The following CHCHD6 variants were observed in gnomAD, a reference collection of about 807,000 sequenced individuals.
CHCHD6 encodes coiled-coil-helix-coiled-coil-helix domain containing 6.
CHCHD6 carries 28 observed loss-of-function variants against 32.3 expected under a neutral mutation model. The ratio of observed to expected loss-of-function variants is 0.87; its 90% confidence interval spans 0.64 to 1.19. The LOEUF is 1.19. Among genes scored for constraint, CHCHD6 ranks in the 50% most tolerant of loss-of-function variants. The pLI, the probability that CHCHD6 is intolerant of heterozygous loss-of-function variation, is 0.00. For synonymous variants in CHCHD6, 122 were observed against 117.5 expected (o/e 1.04, Z -0.25); for missense variants, 333 against 307.0 (o/e 1.08, Z -0.63).
intron 5 of CHCHD6, among the ~76,000 whole-genome samples, chr3:126,892,811 C>T (rs1025458051): frequency 4.6e-5 from 7 of 152,228 alleles, no homozygotes; most frequent in African/African-American, 1.4e-4. Flanking sequence ...ATGCCTTGCC[C>T]AGCACTTCTG....
intron 4 of CHCHD6, among the ~76,000 whole-genome samples, chr3:126,751,328 C>T (rs1299263740): frequency 3.3e-5 from 5 of 151,772 alleles, no homozygotes; most frequent in Non-Finnish European, 7.4e-5. Context: ...ATGGCAAAAC[C>T]CTGTCTCTAC....
At chr3:126,705,680 G>A (rs549076803) in intron 1 of CHCHD6, among the ~76,000 whole-genome samples, 8 of 152,178 alleles carry the variant, frequency 5.3e-5, no homozygotes, top group Non-Finnish European at 1.2e-4. Context: ...TAAATGAAAC[G>A]CACAGAGCTG....
chr3:126,828,680 G>A (rs982962218), intron 4 of CHCHD6, among the ~76,000 whole-genome samples: 1 of 152,158 alleles, frequency 6.6e-6, no homozygotes, highest in Non-Finnish European at 1.5e-5. Flanking sequence ...TTTGGAGGGG[G>A]AATGTATGTT....
intron 4 of CHCHD6, among the ~76,000 whole-genome samples, chr3:126,765,058 GCAA>G (rs914966055): frequency 2.0e-5 from 3 of 152,054 alleles, no homozygotes; most frequent in African/African-American, 7.2e-5. Flanking sequence ...AGAGAAAAAA[GCAA>G]CAACAACTAG....
chr3:126,862,371 CACCATCACCACCTCCTCCTCCTCT>C (rs1370837357), intron 5 of CHCHD6, among the ~76,000 whole-genome samples: 3 of 138,630 alleles, frequency 2.2e-5, no homozygotes, highest in African/African-American at 8.5e-5. Flanking sequence ...CCTCCTCCAC[CACCATCACCACCTCCTCCTCCTCT>C]ACCATCACCA....
At chr3:126,840,806 A>T (rs1050714782) in intron 4 of CHCHD6, among the ~76,000 whole-genome samples, 1 of 152,126 alleles carries the variant, frequency 6.6e-6, no homozygotes, top group African/African-American at 2.4e-5. Flanking sequence ...ACCTCTTGAA[A>T]TAGAGATTAT....
intron 4 of CHCHD6, among the ~76,000 whole-genome samples, chr3:126,775,173 T>C (rs923030753): frequency 6.6e-6 from 1 of 152,242 alleles, no homozygotes; most frequent in African/African-American, 2.4e-5. Context: ...GTTCACATTA[T>C]CATCAGATTT....
intron 6 of CHCHD6, among the ~76,000 whole-genome samples, chr3:126,956,569 G>A (rs2078786608): frequency 6.7e-6 from 1 of 150,362 alleles, no homozygotes; most frequent in Non-Finnish European, 1.5e-5. Context: ...GGGAGTGCAC[G>A]AATGTGCTGT....
At chr3:126,802,034 A>G (rs1229229681) in intron 4 of CHCHD6, among the ~76,000 whole-genome samples, 1 of 152,232 alleles carries the variant, frequency 6.6e-6, no homozygotes, top group Non-Finnish European at 1.5e-5. Flanking sequence ...TAACAAACAG[A>G]AAGGACATCC....
intron 4 of CHCHD6, among the ~76,000 whole-genome samples, chr3:126,785,357 G>C (rs1263206859): frequency 6.6e-6 from 1 of 152,190 alleles, no homozygotes; most frequent in African/African-American, 2.4e-5. Context: ...AAACTGCTTT[G>C]TGTTAGTTTT....
intron 4 of CHCHD6, among the ~76,000 whole-genome samples, chr3:126,746,557 G>C (rs1263206407): frequency 6.6e-6 from 1 of 152,150 alleles, no homozygotes; most frequent in Admixed American, 6.5e-5. Flanking sequence ...GGGGCTCCCA[G>C]GTGTCAGACA....
chr3:126,794,550 G>A (rs1208676729), intron 4 of CHCHD6, among the ~76,000 whole-genome samples: 2 of 151,750 alleles, frequency 1.3e-5, no homozygotes, highest in East Asian at 1.9e-4. Context: ...TTTTGCTGGA[G>A]TGTTTTCTCC....
intron 5 of CHCHD6, among the ~76,000 whole-genome samples, chr3:126,864,988 A>T (rs1942215518): frequency 7.0e-6 from 1 of 142,050 alleles, no homozygotes; most frequent in African/African-American, 2.6e-5. Flanking sequence ...CACCACTACC[A>T]CCATCACCTT....
chr3:126,736,083 A>G (rs1362528156), intron 4 of CHCHD6, among the ~76,000 whole-genome samples: 2 of 152,176 alleles, frequency 1.3e-5, no homozygotes, highest in African/African-American at 4.8e-5. Flanking sequence ...TTGGGTTGGT[A>G]TGGTTGGGGA....
intron 6 of CHCHD6, among the ~76,000 whole-genome samples, chr3:126,923,875 A>G (rs1244253666): frequency 6.6e-6 from 1 of 152,218 alleles, no homozygotes; most frequent in Non-Finnish European, 1.5e-5. Context: ...AAGAGAGCAC[A>G]TTCCTAGGTG....
chr3:126,805,874 A>T (rs1176001531), intron 4 of CHCHD6, among the ~76,000 whole-genome samples: 1 of 152,344 alleles, frequency 6.6e-6, no homozygotes, highest in South Asian at 2.1e-4. Context: ...ATGGAACAGA[A>T]CAGAGCCCTC....
At chr3:126,952,941 G>A (rs1016806496) in intron 6 of CHCHD6, 1 of 984,204 alleles carries the variant, frequency 1.0e-6, no homozygotes. Flanking sequence ...CCTTGTCTGT[G>A]GCCATCACAT....
At chr3:126,858,147 G>A (rs1941726436) in intron 5 of CHCHD6, among the ~76,000 whole-genome samples, 1 of 152,182 alleles carries the variant, frequency 6.6e-6, no homozygotes. Context: ...ACACTGCTGA[G>A]GAAAGCAGCC....
Position 126,957,988 on chromosome 3 carries a change from A to T in CHCHD6, c.702+437A>T, listed in dbSNP as rs1254101691. ...AGTGGGAGCAGATGTGGCCATCAGA[A>T]GCTGCTCACAGCCACCCTGCCCTGA... On this transcript the variant is annotated intron_variant, in intron 7 of 7. Coordinates refer to ENST00000290913, the MANE Select transcript of CHCHD6 (RefSeq NM_032343.3). 9 of 297,750 alleles carry T rather than the reference A, an allele frequency of 3.0e-5. No individual in the cohort carries two copies. The East Asian group carries it at 7.1e-4, about 24-fold the overall frequency. The allele number at this position is 297,750 out of a possible 1,614,324, so 18.4% of individuals were successfully genotyped here.
Sources: allele counts gnomAD v4.1 joint callset (sites outside exome capture counted in the v4.1 genomes callset), GRCh38; gene constraint gnomAD v4.1.1; transcripts MANE v1.5; gene names NCBI Gene and HGNC (gene_info 2026-07-23, HGNC 2026-07-21).